The following EPHB1 variants were observed in gnomAD, a reference collection of about 807,000 sequenced individuals.
EPHB1 encodes the protein ephrin type-B receptor 1.
A neutral mutation model predicts 94.4 loss-of-function variants in EPHB1; 30 were observed. That is an observed-to-expected ratio of 0.32 (90% confidence interval 0.24 to 0.43). The LOEUF (loss-of-function observed/expected upper bound fraction) is 0.43. Among genes scored for constraint, EPHB1 ranks in the 20% least tolerant of loss-of-function variants. The pLI is 1.00. For missense variants in EPHB1, 1,055 were observed against 1,308.3 expected, an observed-to-expected ratio of 0.81 and a Z score of 2.99; for synonymous variants, 522 against 489.1, an observed-to-expected ratio of 1.07 and a Z score of -0.89.
At chr3:134,967,737 T>A (rs564257803) in intron 3 of EPHB1, among the ~76,000 whole-genome samples, 4 of 152,332 alleles carry the variant, frequency 2.6e-5, no homozygotes, top group African/African-American at 9.6e-5. Context: ...AGTCTCAGGT[T>A]TTTAGTTATA....
intron 5 of EPHB1, among the ~76,000 whole-genome samples, chr3:135,134,139 G>A (rs2107687987): frequency 6.6e-6 from 1 of 152,358 alleles, no homozygotes; most frequent in Non-Finnish European, 1.5e-5. Flanking sequence ...CACATGCACA[G>A]GCAATGGGGG....
At chr3:134,975,123 A>G (rs965066445) in intron 3 of EPHB1, among the ~76,000 whole-genome samples, 5 of 152,074 alleles carry the variant, frequency 3.3e-5, no homozygotes, top group Non-Finnish European at 5.9e-5. Flanking sequence ...GAGACTTTTC[A>G]TGATCTTATT....
chr3:135,215,705 C>T (rs989670216), intron 12 of EPHB1, among the ~76,000 whole-genome samples: 8 of 152,178 alleles, frequency 5.3e-5, no homozygotes, highest in South Asian at 2.1e-4. Context: ...CTGTGGTTCT[C>T]ATGCTTCCCT....
In EPHB1 at chr3:134,979,776, T is replaced by C. The variant is rs1229323711; in HGVS notation, c.805+27724T>C. ...TGTAAGTCGAGGAGCATCTGTAGTC[T>C]GTTGATGATTTTCTTTGTTTTGTAG... On this transcript the variant is annotated intron_variant, in intron 3 of 15. Coordinates refer to ENST00000398015, the MANE Select transcript of EPHB1 (RefSeq NM_004441.5). 1.3e-5 allele frequency among the ~76,000 whole-genome samples: 2 copies of C among 151,486 alleles called. 1 individual carries two copies. Among genetic ancestry groups the C allele is most frequent in the South Asian group, 4.2e-4 (2 of 4,768 alleles).
At chr3:135,013,371 C>T (rs910668406) in intron 3 of EPHB1, among the ~76,000 whole-genome samples, 1 of 152,190 alleles carries the variant, frequency 6.6e-6, no homozygotes, top group Non-Finnish European at 1.5e-5. Context: ...AGAGTCATTG[C>T]CTGCCTGTCA....
rs535047611 is a variant in EPHB1 at position 134,963,107 on chromosome 3, CT to C, written c.805+11056del. 7.3e-5 allele frequency among the ~76,000 whole-genome samples: 11 copies of C among 151,460 alleles called. No individual in the cohort carries two copies. In the East Asian group the frequency reaches 2.2e-3, roughly 30 times the overall value. On this transcript the variant is annotated intron_variant, in intron 3 of 15. Coordinates refer to ENST00000398015, the MANE Select transcript of EPHB1 (RefSeq NM_004441.5). ...CAGTTTCCCTTTCCCCTCCCTTCCC[CT>C]CCTCTCCCTTCTTATACCTTCTCTT...
At chr3:134,850,043 G>A (rs1234505116) in intron 1 of EPHB1, among the ~76,000 whole-genome samples, 1 of 152,148 alleles carries the variant, frequency 6.6e-6, no homozygotes, top group Non-Finnish European at 1.5e-5. Context: ...CCTCTTCCAG[G>A]AGTTTCTCAA....
intron 1 of EPHB1, among the ~76,000 whole-genome samples, chr3:134,914,608 A>C (rs2038527008): frequency 6.6e-6 from 1 of 152,152 alleles, no homozygotes; most frequent in South Asian, 2.1e-4. Context: ...GCTGCCTTCC[A>C]TGGGCTACTA....
intron 3 of EPHB1, among the ~76,000 whole-genome samples, chr3:134,983,479 C>G (rs575149855): frequency 6.6e-6 from 1 of 152,338 alleles, no homozygotes; most frequent in East Asian, 1.9e-4. Context: ...CATCTGGGTT[C>G]AGACTCATCC....
chr3:135,125,600 G>C (rs1576408690), intron 4 of EPHB1, among the ~76,000 whole-genome samples: 2 of 152,158 alleles, frequency 1.3e-5, no homozygotes, highest in African/African-American at 4.8e-5. Context: ...TAAAGGTTTG[G>C]TGTTGTTTTC....
At chr3:135,040,709 G>A (rs142030303) in intron 3 of EPHB1, among the ~76,000 whole-genome samples, 4 of 152,326 alleles carry the variant, frequency 2.6e-5, no homozygotes, top group Admixed American at 6.5e-5. Flanking sequence ...AGAACTCAGG[G>A]AATCATGTCA....
At chr3:134,999,984 G>A (rs535114051) in intron 3 of EPHB1, among the ~76,000 whole-genome samples, 14 of 152,310 alleles carry the variant, frequency 9.2e-5, no homozygotes, top group Non-Finnish European at 1.9e-4. Flanking sequence ...GGCACACAAT[G>A]CACTCTGTGG....
chr3:135,207,551 G>A (rs1942930238), intron 12 of EPHB1, among the ~76,000 whole-genome samples: 1 of 152,144 alleles, frequency 6.6e-6, no homozygotes, highest in Non-Finnish European at 1.5e-5. Flanking sequence ...ATAATTACCA[G>A]CTGAAATAAG....
intron 3 of EPHB1, among the ~76,000 whole-genome samples, chr3:135,008,705 T>C (rs988918846): frequency 6.6e-6 from 1 of 152,186 alleles, no homozygotes; most frequent in East Asian, 1.9e-4. Flanking sequence ...GTGCTCTGAA[T>C]GTGTAAATGG....
chr3:134,953,623 A>G (rs1933126274), intron 3 of EPHB1, among the ~76,000 whole-genome samples: 1 of 152,204 alleles, frequency 6.6e-6, no homozygotes, highest in Non-Finnish European at 1.5e-5. Flanking sequence ...GCAGCAGCGC[A>G]TGGTGGGTGA....
At chr3:134,937,013 C>T (rs2039017483) in intron 2 of EPHB1, among the ~76,000 whole-genome samples, 1 of 152,108 alleles carries the variant, frequency 6.6e-6, no homozygotes, top group Admixed American at 6.5e-5. Context: ...AATGGTAGCC[C>T]CACTGTGTGC....
intron 3 of EPHB1, among the ~76,000 whole-genome samples, chr3:135,038,596 G>A (rs549482693): frequency 2.0e-3 from 305 of 152,254 alleles, no homozygotes; most frequent in Non-Finnish European, 2.2e-3. Context: ...GAATGAAGCC[G>A]CGGACCCTCG....
At chr3:135,257,395 G>C (rs1933448190) in intron 15 of EPHB1, among the ~76,000 whole-genome samples, 1 of 151,448 alleles carries the variant, frequency 6.6e-6, no homozygotes, top group Admixed American at 6.6e-5. Context: ...ATGGGTTTTT[G>C]GTGTGGATGT....
chr3:135,185,928 T>C (rs1409722986), intron 10 of EPHB1, among the ~76,000 whole-genome samples: 1 of 152,238 alleles, frequency 6.6e-6, no homozygotes, highest in Non-Finnish European at 1.5e-5. Flanking sequence ...CTGTCCCACA[T>C]GCCCTGGAGA....
Sources: gnomAD v4.1 joint callset for allele counts (sites outside exome capture counted in the v4.1 genomes callset) on GRCh38, gnomAD v4.1.1 for gene constraint, MANE v1.5 for transcripts, NCBI Gene and HGNC (gene_info 2026-07-23, HGNC 2026-07-21) for gene names.